DOK6: variants seen among roughly 807,000 people sequenced by gnomAD.
The protein encoded by DOK6 is docking protein 6.
DOK6 carries 22 observed loss-of-function variants against 44.0 expected under a neutral mutation model. The observed-to-expected ratio is 0.50, with a 90% CI of 0.36 to 0.71. The LOEUF (loss-of-function observed/expected upper bound fraction) is 0.71, where lower values mean the gene tolerates loss of function less well. Ranked by LOEUF, DOK6 falls within the 30% of genes least tolerant of loss-of-function variation. The pLI is 0.00. For synonymous variants in DOK6, 166 were observed against 145.5 expected (o/e 1.14, Z -1.01); for missense variants, 340 against 416.4 (o/e 0.82, Z 1.60).
rs1981205611 is a variant in DOK6, at chr18:69,506,910, C to T, written c.67-57577C>T. Among the ~76,000 whole-genome samples, 3 of 152,032 alleles carry T rather than the reference C, an allele frequency of 2.0e-5. No homozygotes were observed. In the South Asian group the frequency reaches 6.2e-4, roughly 32 times the overall value. On this transcript the variant is annotated intron_variant, in intron 1 of 7. Coordinates refer to ENST00000382713, the MANE Select transcript of DOK6 (RefSeq NM_152721.6). ...ACACACATATGTACATATATACACA[C>T]ACACACATATGTATATTTAAATATA...
chr18:69,695,645 T>C (rs1045136100), intron 4 of DOK6, among the ~76,000 whole-genome samples: 1 of 152,220 alleles, frequency 6.6e-6, no homozygotes, highest in Non-Finnish European at 1.5e-5. Context: ...CGGTTAAGTA[T>C]AGTTAGGTAA....
At chr18:69,498,786 C>T (rs750136436) in intron 1 of DOK6, among the ~76,000 whole-genome samples, 28 of 152,110 alleles carry the variant, frequency 1.8e-4, no homozygotes, top group Admixed American at 5.2e-4. Flanking sequence ...CTCTCTTGTA[C>T]AAAGATGCAA....
At chr18:69,565,363 A>C (rs1467644303) in intron 2 of DOK6, among the ~76,000 whole-genome samples, 1 of 152,068 alleles carries the variant, frequency 6.6e-6, no homozygotes, top group Non-Finnish European at 1.5e-5. Flanking sequence ...TCTTTTTTAA[A>C]AATAGATTAT....
intron 3 of DOK6, among the ~76,000 whole-genome samples, chr18:69,633,002 G>A (rs1984724377): frequency 6.6e-6 from 1 of 152,192 alleles, no homozygotes; most frequent in African/African-American, 2.4e-5. Flanking sequence ...GCTCACAGCT[G>A]TGAATCATAG....
chr18:69,801,714 C>G (rs1980910351), intron 7 of DOK6, among the ~76,000 whole-genome samples: 1 of 152,208 alleles, frequency 6.6e-6, no homozygotes, highest in East Asian at 1.9e-4. Flanking sequence ...GCTGCCAAGT[C>G]AGCCACACTG....
At chr18:69,742,576 A>G (rs747696221) in intron 6 of DOK6, among the ~76,000 whole-genome samples, 5 of 152,234 alleles carry the variant, frequency 3.3e-5, no homozygotes, top group Non-Finnish European at 7.3e-5. Context: ...AAAAATTAAT[A>G]TTAACTGACA....
chr18:69,844,559 A>G lies in DOK6; in HGVS notation c.*3176A>G, dbSNP rs1298212644. Reference sequence around the variant, plus strand: ...AACAACCTTGATCCAATAGTTTCCTATTCTGGGGGGTGGGGGCAGAGGCGG... The same window carrying G: ...AACAACCTTGATCCAATAGTTTCCTGTTCTGGGGGGTGGGGGCAGAGGCGG... On this transcript the variant is annotated 3_prime_UTR_variant, in exon 8 of 8. Coordinates refer to ENST00000382713, the MANE Select transcript of DOK6 (RefSeq NM_152721.6). 1 of 152,066 alleles carries G rather than the reference A, an allele frequency of 6.6e-6. No homozygotes were observed. Among genetic ancestry groups the G allele is most frequent in the Non-Finnish European group, 1.5e-5 (1 of 68,030 alleles). The allele number at this position is 152,066 out of a possible 1,614,324, so 9.4% of individuals were successfully genotyped here.
At position 69,841,306 on chromosome 18, in the gene DOK6, C is replaced by G. The variant is rs764756255; in HGVS notation, c.919C>G (p.Gln307Glu). The G allele has an allele frequency of 1.6e-5, 26 of 1,614,062 alleles. No homozygotes were observed. The highest frequency in any genetic ancestry group is 2.1e-5 in the Non-Finnish European group (25 of 1,180,042). Reference protein sequence around the residue: ...AQTFPSYAPEQSEEAQQPLSR... With the variant: ...AQTFPSYAPEESEEAQQPLSR... Reference sequence around the variant, plus strand: ...GACATTTCCCAGCTACGCCCCAGAACAGAGTGAAGAGGCCCAGCAGCCGTT... The same window carrying G: ...GACATTTCCCAGCTACGCCCCAGAAGAGAGTGAAGAGGCCCAGCAGCCGTT... The change falls in exon 8 of 8, where the codon CAG (glutamine) becomes GAG (glutamate). Residue 307 changes from glutamine to glutamate, a missense_variant. Around this residue, in one of 3 missense-constraint regions of DOK6, gnomAD observed 112 missense variants for 109.3 expected, o/e 1.02. Transcript: ENST00000382713.
At chr18:69,749,922 G>A (rs553778015) in intron 6 of DOK6, among the ~76,000 whole-genome samples, 21 of 146,044 alleles carry the variant, frequency 1.4e-4, no homozygotes, top group Admixed American at 8.2e-4. Flanking sequence ...CCTGCCTGGC[G>A]ACAGAGCGAG....
At chr18:69,578,712 G>A (rs2144608178) in intron 2 of DOK6, among the ~76,000 whole-genome samples, 1 of 152,160 alleles carries the variant, frequency 6.6e-6, no homozygotes. Context: ...AGATGCAACA[G>A]GAGAAATGCT....
At chr18:69,767,911 G>A (rs2144763305) in intron 7 of DOK6, among the ~76,000 whole-genome samples, 1 of 152,220 alleles carries the variant, frequency 6.6e-6, no homozygotes, top group South Asian at 2.1e-4. Context: ...ATTACTAAAA[G>A]ATAAAAGATG....
intron 7 of DOK6, among the ~76,000 whole-genome samples, chr18:69,768,301 G>C (rs151011572): frequency 1.4e-4 from 21 of 152,096 alleles, no homozygotes; most frequent in Non-Finnish European, 2.9e-4. Context: ...AACTGTCTTT[G>C]TCATGTATAT....
intron 3 of DOK6, among the ~76,000 whole-genome samples, chr18:69,605,560 AGAAAT>A (rs1983975283): frequency 6.6e-6 from 1 of 152,216 alleles, no homozygotes; most frequent in Admixed American, 6.5e-5. Context: ...GGATGACTTG[AGAAAT>A]GAAATGTAAC....
chr18:69,773,686 G>A (rs945292037), intron 7 of DOK6, among the ~76,000 whole-genome samples: 2 of 151,940 alleles, frequency 1.3e-5, no homozygotes, highest in African/African-American at 2.4e-5. Flanking sequence ...AGCTGGAAGA[G>A]GGAGAAATGA....
At chr18:69,737,545 T>G (rs1027926347) in intron 5 of DOK6, among the ~76,000 whole-genome samples, 2 of 152,208 alleles carry the variant, frequency 1.3e-5, no homozygotes, top group African/African-American at 4.8e-5. Context: ...CTAGCCCATT[T>G]ATTCCAACAT....
chr18:69,727,085 C>G (rs954550619), intron 5 of DOK6, among the ~76,000 whole-genome samples: 1 of 152,108 alleles, frequency 6.6e-6, no homozygotes, highest in African/African-American at 2.4e-5. Flanking sequence ...TCTCGAACTA[C>G]TGGGCTCAAG....
At chr18:69,760,047 G>C (rs1979492742) in intron 7 of DOK6, among the ~76,000 whole-genome samples, 1 of 152,108 alleles carries the variant, frequency 6.6e-6, no homozygotes, top group Non-Finnish European at 1.5e-5. Flanking sequence ...TCCAGATAAG[G>C]GGATAGATGG....
chr18:69,831,355 T>C (rs1469614719), intron 7 of DOK6: 1 of 152,248 alleles, frequency 6.6e-6, no homozygotes. Context: ...ATTCAGATGC[T>C]AACCTGCCCT....
chr18:69,650,214 G>C (rs192523641), intron 3 of DOK6, among the ~76,000 whole-genome samples: 35 of 152,132 alleles, frequency 2.3e-4, no homozygotes, highest in Non-Finnish European at 4.3e-4. Context: ...AAACGTGGTT[G>C]GTTGATTTTA....
Sources: gnomAD v4.1 joint callset for allele counts (sites outside exome capture counted in the v4.1 genomes callset) on GRCh38, gnomAD v4.1.1 for gene constraint, gnomAD v4.1.1 regional missense constraint, MANE v1.5 for transcripts, NCBI Gene and HGNC (gene_info 2026-07-23, HGNC 2026-07-21) for gene names.